The following ROBO1 variants were observed in gnomAD, a reference collection of about 807,000 sequenced individuals.
ROBO1 encodes the protein roundabout homolog 1.
Under a neutral mutation model 195.9 loss-of-function variants are expected in ROBO1, and 149 were observed. That is an observed-to-expected ratio of 0.76 (90% CI 0.67 to 0.87). ROBO1 has a LOEUF of 0.87. ROBO1 is among the 40% of genes least tolerant of loss of function. The probability of loss-of-function intolerance (pLI) is 0.00; values close to 1 mark genes in which losing one functional copy is unlikely to be tolerated. For missense variants in ROBO1, 1,933 were observed against 2,068.3 expected, an observed-to-expected ratio of 0.93 and a Z score of 1.27; for synonymous variants, 816 against 733.2, an observed-to-expected ratio of 1.11 and a Z score of -1.82.
At chr3:79,152,005 C>T (rs927445861) in intron 2 of ROBO1, among the ~76,000 whole-genome samples, 6 of 151,694 alleles carry the variant, frequency 4.0e-5, no homozygotes, top group Non-Finnish European at 8.8e-5. Context: ...TCTGAACTCA[C>T]GTTGTACATT....
chr3:79,485,311 T>A (rs9878132), intron 2 of ROBO1, among the ~76,000 whole-genome samples: 46,557 of 151,914 alleles, frequency 0.31, 7,363 homozygotes, highest in Non-Finnish European at 0.35. Flanking sequence ...AAATCATGTA[T>A]AATTCTATCT....
intron 4 of ROBO1, among the ~76,000 whole-genome samples, chr3:78,796,945 C>G (rs976787000): frequency 2.0e-5 from 3 of 152,154 alleles, no homozygotes; most frequent in African/African-American, 4.8e-5. Context: ...TGTCTTCCAA[C>G]CTCGTCTCTC....
At chr3:79,521,061 C>T (rs936995332) in intron 2 of ROBO1, among the ~76,000 whole-genome samples, 5 of 152,064 alleles carry the variant, frequency 3.3e-5, no homozygotes, top group African/African-American at 9.7e-5. Flanking sequence ...CTTTGAGACC[C>T]CATTCAAAGT....
intron 1 of ROBO1, among the ~76,000 whole-genome samples, chr3:79,765,715 G>GA (rs562102427): frequency 1.1e-3 from 171 of 152,182 alleles, no homozygotes; most frequent in Non-Finnish European, 2.0e-3. Flanking sequence ...GGAAAGCGAG[G>GA]AAAAAATGAA....
At chr3:79,199,975 A>T (rs1385799673) in intron 2 of ROBO1, among the ~76,000 whole-genome samples, 1 of 151,778 alleles carries the variant, frequency 6.6e-6, no homozygotes. Flanking sequence ...ATAAGGATGG[A>T]ACAGAAGGGA....
At chr3:78,618,335 G>T (rs1704250736) in intron 26 of ROBO1, among the ~76,000 whole-genome samples, 1 of 152,108 alleles carries the variant, frequency 6.6e-6, no homozygotes, top group African/African-American at 2.4e-5. Context: ...ATGAAAAAAG[G>T]AAAAGTAATA....
intron 2 of ROBO1, among the ~76,000 whole-genome samples, chr3:79,548,396 G>A (rs946549102): frequency 1.1e-4 from 16 of 152,140 alleles, no homozygotes; most frequent in Admixed American, 7.9e-4. Context: ...GCTAGAGAAT[G>A]CATAAATAAT....
intron 4 of ROBO1, among the ~76,000 whole-genome samples, chr3:78,768,503 A>G (rs539354170): frequency 4.6e-5 from 7 of 152,212 alleles, no homozygotes; most frequent in African/African-American, 1.7e-4. Flanking sequence ...TTTCCCTCCT[A>G]TAATATATAA....
intron 3 of ROBO1, among the ~76,000 whole-genome samples, chr3:78,949,513 A>G (rs1251604656): frequency 6.6e-6 from 1 of 152,226 alleles, no homozygotes; most frequent in African/African-American, 2.4e-5. Context: ...AATTAATTCC[A>G]GATGGATTAA....
At chr3:78,888,758 C>G (rs1576350311) in intron 4 of ROBO1, among the ~76,000 whole-genome samples, 1 of 152,098 alleles carries the variant, frequency 6.6e-6, no homozygotes, top group Non-Finnish European at 1.5e-5. Context: ...AGTCCTGGCT[C>G]TGTTTCAGGT....
chr3:79,033,896 C>T (rs991148509), intron 3 of ROBO1, among the ~76,000 whole-genome samples: 23 of 152,196 alleles, frequency 1.5e-4, no homozygotes, highest in Non-Finnish European at 2.9e-4. Flanking sequence ...TTTATCCCAC[C>T]GGCTCGACCT....
intron 8 of ROBO1, among the ~76,000 whole-genome samples, chr3:78,712,017 CAAAAAAAAAAA>C (rs56267632): frequency 2.4e-4 from 18 of 76,462 alleles, no homozygotes; most frequent in Admixed American, 4.9e-4. Flanking sequence ...AAGACCTTGG[CAAAAAAAAAAA>C]AAAAAAAAAA....
intron 2 of ROBO1, among the ~76,000 whole-genome samples, chr3:79,139,861 G>A (rs76070969): frequency 0.013 from 1,992 of 152,178 alleles, 40 homozygotes; most frequent in African/African-American, 0.046. Flanking sequence ...CAAAGCATAC[G>A]GTAACTTCAA....
intron 2 of ROBO1, among the ~76,000 whole-genome samples, chr3:79,189,075 T>A (rs942682798): frequency 6.6e-6 from 1 of 151,796 alleles, no homozygotes; most frequent in Non-Finnish European, 1.5e-5. Flanking sequence ...AACACATACA[T>A]TTCTGTTTTT....
chr3:78,927,715 T>C (rs2039297116), intron 4 of ROBO1, among the ~76,000 whole-genome samples: 1 of 152,194 alleles, frequency 6.6e-6, no homozygotes, highest in South Asian at 2.1e-4. Context: ...AAAGATATAT[T>C]TGTCATAAAA....
At chr3:78,652,000 G>A in intron 18 of ROBO1, 71 bp from the exon 19 acceptor site, 1 of 1,168,764 alleles carries the variant, frequency 8.6e-7, no homozygotes, top group African/African-American at 1.6e-5. Context: ...ATTTGTGGCT[G>A]CCATTACTTT....
intron 3 of ROBO1, among the ~76,000 whole-genome samples, chr3:79,111,169 T>C (rs2079879349): frequency 6.6e-6 from 1 of 152,176 alleles, no homozygotes; most frequent in African/African-American, 2.4e-5. Context: ...ACTTCTTGGT[T>C]CAGGCATAAT....
intron 8 of ROBO1, among the ~76,000 whole-genome samples, chr3:78,699,093 C>CA (rs941561049): frequency 4.6e-5 from 7 of 152,112 alleles, no homozygotes; most frequent in Non-Finnish European, 8.8e-5. Flanking sequence ...AATCAACCAG[C>CA]AAATTCCATA....
chr3:79,010,543 C>T (rs534219917), intron 3 of ROBO1, among the ~76,000 whole-genome samples: 4 of 151,982 alleles, frequency 2.6e-5, no homozygotes, highest in African/African-American at 4.8e-5. Flanking sequence ...TTTCAGGTTC[C>T]GTGTATACAA....
Sources: allele counts gnomAD v4.1 joint callset (sites outside exome capture counted in the v4.1 genomes callset), GRCh38; gene constraint gnomAD v4.1.1; transcripts MANE v1.5; gene names NCBI Gene and HGNC (gene_info 2026-07-23, HGNC 2026-07-21).